The following SBF2 variants were observed in gnomAD, a reference collection of about 807,000 sequenced individuals.
SBF2 encodes the protein myotubularin-related protein 13.
Under a neutral mutation model 225.2 loss-of-function variants are expected in SBF2, and 112 were observed. That is an observed-to-expected ratio of 0.50 (90% confidence interval 0.43 to 0.58). SBF2 has a LOEUF of 0.58. SBF2 is among the 20% of genes least tolerant of loss of function. SBF2 has a pLI of 0.00. For synonymous variants in SBF2, 763 were observed against 773.3 expected, an observed-to-expected ratio of 0.99 and a Z score of 0.22; for missense variants, 1,996 against 2,206.2, an observed-to-expected ratio of 0.90 and a Z score of 1.91.
At chr11:10,007,595 G>A (rs945263388) in intron 6 of SBF2, among the ~76,000 whole-genome samples, 3 of 152,292 alleles carry the variant, frequency 2.0e-5, no homozygotes. Flanking sequence ...AATGGATCTA[G>A]TGATGATAGC....
intron 1 of SBF2, among the ~76,000 whole-genome samples, chr11:10,286,105 G>C (rs1963753330): frequency 6.6e-6 from 1 of 151,766 alleles, no homozygotes; most frequent in African/African-American, 2.4e-5. Context: ...TGGGATTACA[G>C]GCGTGAGCTA....
At chr11:10,174,310 G>A (rs531525116) in intron 2 of SBF2, among the ~76,000 whole-genome samples, 128 of 152,282 alleles carry the variant, frequency 8.4e-4, no homozygotes, top group Admixed American at 1.6e-3. Flanking sequence ...ACAGAGAAGT[G>A]CTTAAAGGAG....
intron 35 of SBF2, 113 bp downstream of exon 35, chr11:9,788,985 TCATAACCATAA>T (rs1168916490): frequency 4.9e-6 from 4 of 816,586 alleles, no homozygotes; most frequent in Non-Finnish European, 8.2e-6. Flanking sequence ...TCTGGTTTCT[TCATAACCATAA>T]CCCTAGCTCA....
At chr11:9,955,899 G>T (rs1866133992) in intron 16 of SBF2, among the ~76,000 whole-genome samples, 1 of 151,890 alleles carries the variant, frequency 6.6e-6, no homozygotes, top group Non-Finnish European at 1.5e-5. Flanking sequence ...ACGTATGTTT[G>T]TATCATTAGA....
At chr11:10,045,583 T>A (rs1949827734) in intron 2 of SBF2, among the ~76,000 whole-genome samples, 1 of 152,234 alleles carries the variant, frequency 6.6e-6, no homozygotes, top group African/African-American at 2.4e-5. Flanking sequence ...TGGTGACCAT[T>A]GTTTGTGTCC....
intron 6 of SBF2, among the ~76,000 whole-genome samples, chr11:10,005,186 C>T (rs539986802): frequency 5.9e-5 from 9 of 152,138 alleles, no homozygotes; most frequent in Non-Finnish European, 1.2e-4. Flanking sequence ...AGTTGGCGAG[C>T]GGGCTCATGC....
chr11:10,296,488 A>T (rs1337530427), upstream of SBF2, among the ~76,000 whole-genome samples: 2 of 152,008 alleles, frequency 1.3e-5, no homozygotes, highest in Non-Finnish European at 2.9e-5. Context: ...CAGGAGAAAG[A>T]CCCGCCCCCA....
chr11:10,281,519 T>C (rs971118843), intron 1 of SBF2, among the ~76,000 whole-genome samples: 2 of 152,172 alleles, frequency 1.3e-5, no homozygotes, highest in African/African-American at 4.8e-5. Flanking sequence ...TTCAAAACCA[T>C]CAAGGAGAAG....
intron 1 of SBF2, among the ~76,000 whole-genome samples, chr11:10,236,585 G>C (rs879731732): frequency 1.3e-5 from 2 of 151,454 alleles, no homozygotes; most frequent in African/African-American, 4.8e-5. Flanking sequence ...TCAGCCTCCC[G>C]AGTAGCTGGG....
intron 1 of SBF2, among the ~76,000 whole-genome samples, chr11:10,267,312 G>C (rs887129586): frequency 6.6e-6 from 1 of 151,626 alleles, no homozygotes; most frequent in Non-Finnish European, 1.5e-5. Flanking sequence ...TTTCTATATT[G>C]TTTGAGACAC....
At chr11:9,946,437 T>TTTTC (rs149020480) in intron 16 of SBF2, among the ~76,000 whole-genome samples, 16,228 of 148,434 alleles carry the variant, frequency 0.11, 927 homozygotes, top group Middle Eastern at 0.19. Context: ...ATATTTCTTT[T>TTTTC]TTTCTTTCTT....
intron 16 of SBF2, among the ~76,000 whole-genome samples, chr11:9,917,488 G>C (rs1159274487): frequency 1.3e-5 from 2 of 151,054 alleles, no homozygotes; most frequent in African/African-American, 4.9e-5. Flanking sequence ...CACACCACCA[G>C]GCCCAGCTAA....
At chr11:10,136,119 A>C (rs767651568) in intron 2 of SBF2, among the ~76,000 whole-genome samples, 3 of 152,136 alleles carry the variant, frequency 2.0e-5, no homozygotes, top group Non-Finnish European at 2.9e-5. Context: ...TTGTGCAGGG[A>C]AATTCCCCTT....
intron 38 of SBF2, among the ~76,000 whole-genome samples, chr11:9,782,481 T>C (rs1301475238): frequency 6.6e-6 from 1 of 152,180 alleles, no homozygotes; most frequent in Admixed American, 6.5e-5. Flanking sequence ...TACTAGATCA[T>C]CTCAAATACT....
At chr11:10,212,822 C>A (rs1346670495) in intron 1 of SBF2, among the ~76,000 whole-genome samples, 3 of 152,138 alleles carry the variant, frequency 2.0e-5, no homozygotes, top group African/African-American at 7.2e-5. Context: ...GATGCCGAGG[C>A]AGGCAGATCA....
intron 33 of SBF2, among the ~76,000 whole-genome samples, chr11:9,794,708 G>A (rs1173102032): frequency 0.17 from 4,272 of 24,532 alleles, 1 homozygote; most frequent in Non-Finnish European, 0.26. Context: ...AAAAAAAAAA[G>A]ACCAGGCCTG....
At chr11:10,220,410 T>C (rs777431740) in intron 1 of SBF2, among the ~76,000 whole-genome samples, 5 of 152,104 alleles carry the variant, frequency 3.3e-5, no homozygotes, top group South Asian at 2.1e-4. Context: ...ATACCTCCAA[T>C]CGTTCTAGAT....
intron 2 of SBF2, among the ~76,000 whole-genome samples, chr11:10,054,893 ATGTTTTTTTTT>A (rs1413687636): frequency 8.6e-6 from 1 of 116,156 alleles, no homozygotes; most frequent in Non-Finnish European, 1.9e-5. Flanking sequence ...ATTTGTTTGC[ATGTTTTTTTTT>A]TGTTTTTTTG....
intron 32 of SBF2, among the ~76,000 whole-genome samples, chr11:9,805,694 C>T (rs1853781626): frequency 6.6e-6 from 1 of 152,150 alleles, no homozygotes; most frequent in Non-Finnish European, 1.5e-5. Flanking sequence ...GGCTTCTCAG[C>T]TCAATGCAAC....
Sources: allele counts gnomAD v4.1 joint callset (sites outside exome capture counted in the v4.1 genomes callset), GRCh38; gene constraint gnomAD v4.1.1; transcripts MANE v1.5; gene names NCBI Gene and HGNC (gene_info 2026-07-23, HGNC 2026-07-21).